Variants in OR2G6 observed in about 807,000 individuals in gnomAD.
OR2G6 encodes the protein olfactory receptor family 2 subfamily G member 6, also known as olfactory receptor 2G6.
For synonymous variants in OR2G6, 183 were observed against 155.2 expected (o/e 1.18, Z -1.33); for missense variants, 457 against 391.3 (o/e 1.17, Z -1.42).
rs1659142200 is a variant in OR2G6 at position 248,527,030 on chromosome 1, C to A, written c.*4433C>A. ...ATTTGTCAATTTTGGCTTTTGTTGC[C>A]ATTGCTTTTGGTGTTTTAGACATGA... On this transcript the variant is annotated 3_prime_UTR_variant, in exon 2 of 2. Coordinates refer to ENST00000641804, the MANE Select transcript of OR2G6 (RefSeq NM_001013355.2). 6.6e-6 allele frequency: 1 copy of A among 152,068 alleles called. No individual in the cohort carries two copies. Among genetic ancestry groups the A allele is most frequent in the Non-Finnish European group, 1.5e-5 (1 of 68,026 alleles). The allele number at this position is 152,068 out of a possible 1,614,324, so 9.4% of individuals were successfully genotyped here. A position where few individuals can be genotyped will look rare whatever the true frequency, so the allele number is the denominator to read the frequency against.
chr1:248,522,862 C>T lies in OR2G6; in HGVS notation c.*265C>T. On this transcript the variant is annotated 3_prime_UTR_variant, in exon 2 of 2. Coordinates refer to ENST00000641804, the MANE Select transcript of OR2G6 (RefSeq NM_001013355.2). ...CAGCATGAGGGTTCATCCTCCCAGA[C>T]ATTCCTCTTGTCAATCCAAGACCCT... The T allele has an allele frequency of 4.8e-6, 2 of 419,344 alleles. No individual in the cohort carries two copies. The highest frequency in any genetic ancestry group is 8.4e-6 in the Non-Finnish European group (2 of 236,758). The allele number at this position is 419,344 out of a possible 1,614,324, so 26.0% of individuals were successfully genotyped here.
rs1046760175 is a variant in OR2G6, at chr1:248,522,780, C to T, written c.*183C>T. 2.1e-5 allele frequency: 12 copies of T among 564,430 alleles called. No homozygotes were observed. Among genetic ancestry groups the T allele is most frequent in the African/African-American group, 2.1e-4 (11 of 52,248 alleles). The allele number at this position is 564,430 out of a possible 1,614,324, so 35.0% of individuals were successfully genotyped here. A position where few individuals can be genotyped will look rare whatever the true frequency, so the allele number is the denominator to read the frequency against. ...TCCCCAGACATTCCTCTTGTCAATC[C>T]CAAAGCCACAGGGACTAGGAAGCAT... On this transcript the variant is annotated 3_prime_UTR_variant, in exon 2 of 2. Coordinates refer to ENST00000641804, the MANE Select transcript of OR2G6 (RefSeq NM_001013355.2).
rs984307781 is a variant in OR2G6 at position 248,525,270 on chromosome 1, A to G, written c.*2673A>G. On this transcript the variant is annotated 3_prime_UTR_variant, in exon 2 of 2. Coordinates refer to ENST00000641804, the MANE Select transcript of OR2G6 (RefSeq NM_001013355.2). Reference sequence around the variant, plus strand: ...ATCTAAAACAGGTACACATCAGTCAATTTGCACACATTACTAGCTTGATCT... The same window carrying G: ...ATCTAAAACAGGTACACATCAGTCAGTTTGCACACATTACTAGCTTGATCT... 2 of 152,122 alleles carry G rather than the reference A, an allele frequency of 1.3e-5. No homozygotes were observed. Among genetic ancestry groups the G allele is most frequent in the Non-Finnish European group, 2.9e-5 (2 of 68,014 alleles). 9.4% of individuals were successfully genotyped at this position (152,122 alleles called of 1,614,324 possible).
At chr1:248,521,040 TAAAAA>T (rs56891856) in intron 1 of OR2G6, among the ~76,000 whole-genome samples, 20,507 of 83,934 alleles carry the variant, frequency 0.24, 1,894 homozygotes, top group Middle Eastern at 0.3. Flanking sequence ...AGATTCCATC[TAAAAA>T]AAAAAAAAAA....
chr1:248,521,626 A>C lies in OR2G6; in HGVS notation c.-21A>C, dbSNP rs1487304406. 1 of 1,529,942 alleles carries C rather than the reference A, an allele frequency of 6.5e-7. No homozygotes were observed. The highest frequency in any genetic ancestry group is 2.2e-5 in the East Asian group (1 of 44,538). 94.8% of individuals were successfully genotyped at this position (1,529,942 alleles called of 1,614,324 possible). On this transcript the variant is annotated 5_prime_UTR_variant, in exon 2 of 2. Coordinates refer to ENST00000641804, the MANE Select transcript of OR2G6 (RefSeq NM_001013355.2). ...AATCACTTAGTATTTGAAGCTGAAG[A>C]GTCCTGAAGCTGCAGGAAAAATGGA...
At position 248,522,245 on chromosome 1, in the gene OR2G6, T is replaced by C. The variant is rs373307330; in HGVS notation, c.599T>C (p.Phe200Ser). The C allele has an allele frequency of 4.3e-6, 7 of 1,614,146 alleles. No homozygotes were observed. The African/African-American group carries it at 5.3e-5, about 12-fold the overall frequency. Residue 200 changes from phenylalanine to serine, a missense_variant, in exon 2 of 2, where the codon TTT becomes TCT. Physicochemically the swap from Phe to Ser is radical, Grantham distance 155. Transcript: ENST00000641804. The part of the protein sequence containing the change: ...VDTTFNEAEL[F>S]VASVVFLIVP... ...ACGACTTTCAACGAGGCAGAACTCT[T>C]TGTGGCCAGTGTAGTCTTTCTAATT...
At chr1:248,520,646 G>C (rs980766275) in intron 1 of OR2G6, among the ~76,000 whole-genome samples, 11 of 151,938 alleles carry the variant, frequency 7.2e-5, no homozygotes, top group Admixed American at 3.9e-4. Flanking sequence ...GCTGAGTCAG[G>C]TGGATCACTT....
In OR2G6 at chr1:248,524,371, C is replaced by T. The variant is rs1664353467; in HGVS notation, c.*1774C>T. 1 of 152,182 alleles carries T rather than the reference C, an allele frequency of 6.6e-6. No individual in the cohort carries two copies. The highest frequency in any genetic ancestry group is 2.1e-4 in the South Asian group (1 of 4,820). The allele number at this position is 152,182 out of a possible 1,614,324, so 9.4% of individuals were successfully genotyped here. A position where few individuals can be genotyped will look rare whatever the true frequency, so the allele number is the denominator to read the frequency against. ...TTCTAGGATATTCTTATGTGATTTT[C>T]CTCCTCCAGTAATGGAGAGGAGAGT... On this transcript the variant is annotated 3_prime_UTR_variant, in exon 2 of 2. Transcript: ENST00000641804.
chr1:248,524,911 C>A lies in OR2G6; in HGVS notation c.*2314C>A, dbSNP rs1664363003. The stretch of plus-strand genomic sequence containing the variant: ...AATAGATATAACATAGGCAAAGCAA[C>A]CTAAAAAAACTACTTAACTGCAGAT... On this transcript the variant is annotated 3_prime_UTR_variant, in exon 2 of 2. Coordinates refer to ENST00000641804, the MANE Select transcript of OR2G6 (RefSeq NM_001013355.2). 6.6e-6 allele frequency: 1 copy of A among 151,796 alleles called. No individual in the cohort carries two copies. Among genetic ancestry groups the A allele is most frequent in the African/African-American group, 2.4e-5 (1 of 41,260 alleles). The allele number at this position is 151,796 out of a possible 1,614,324, so 9.4% of individuals were successfully genotyped here.
chr1:248,521,848 T>G lies in OR2G6; in HGVS notation c.202T>G (p.Cys68Gly). The G allele has an allele frequency of 6.2e-7, 1 of 1,614,176 alleles. No individual in the cohort carries two copies. Among genetic ancestry groups the G allele is most frequent in the Non-Finnish European group, 8.5e-7 (1 of 1,180,032 alleles). Residue 68 changes from cysteine (C) to glycine (G), a missense_variant, in exon 2 of 2, where the codon TGT becomes GGT. Physicochemically the swap from Cys to Gly is radical, Grantham distance 159. Coordinates refer to ENST00000641804, the MANE Select transcript of OR2G6 (RefSeq NM_001013355.2). ...PMYFFLSNLS[C>G]VDICFTTSVA... ...GTACTTCTTCCTCAGCAACCTCTCG[T>G]GTGTGGACATCTGCTTTACCACCAG...
In OR2G6 at chr1:248,524,316, C is replaced by T. The variant is rs1339817966; in HGVS notation, c.*1719C>T. On this transcript the variant is annotated 3_prime_UTR_variant, in exon 2 of 2. Coordinates refer to ENST00000641804, the MANE Select transcript of OR2G6 (RefSeq NM_001013355.2). ...TGATGAATATCCAATTTAACAAAAA[C>T]GAGGGAAAAGAAGCCTGGTTAAATT... 2.6e-5 allele frequency: 4 copies of T among 152,102 alleles called. No individual in the cohort carries two copies. The highest frequency in any genetic ancestry group is 7.2e-5 in the African/African-American group (3 of 41,416). 9.4% of individuals were successfully genotyped at this position (152,102 alleles called of 1,614,324 possible).
In OR2G6 at chr1:248,523,102, ACTT is replaced by A; in HGVS notation, c.*506_*508del. ...CTGTTTCATAATATGTTTCCATAGCACTTGATCCACACTACCATTTCTACATTT... is the reference window on the plus strand; with the variant it reads ...CTGTTTCATAATATGTTTCCATAGCAGATCCACACTACCATTTCTACATTT... On this transcript the variant is annotated 3_prime_UTR_variant, in exon 2 of 2. Coordinates refer to ENST00000641804, the MANE Select transcript of OR2G6 (RefSeq NM_001013355.2). The A allele has an allele frequency of 8.4e-5, 13 of 155,320 alleles. No homozygotes were observed. The highest frequency in any genetic ancestry group is 2.0e-4 in the South Asian group (1 of 5,000). 9.6% of individuals were successfully genotyped at this position (155,320 alleles called of 1,614,324 possible).
At chr1:248,521,276 G>A (rs1282857385) in intron 1 of OR2G6, among the ~76,000 whole-genome samples, 1 of 151,946 alleles carries the variant, frequency 6.6e-6, no homozygotes, top group African/African-American at 2.4e-5. Context: ...AAAGGACATT[G>A]GGTCAGTTGC....
In OR2G6 at chr1:248,521,620, C is replaced by A; in HGVS notation, c.-27C>A. 6.6e-7 allele frequency: 1 copy of A among 1,506,938 alleles called. No individual in the cohort carries two copies. Among genetic ancestry groups the A allele is most frequent in the Non-Finnish European group, 9.2e-7 (1 of 1,092,592 alleles). The allele number at this position is 1,506,938 out of a possible 1,614,324, so 93.3% of individuals were successfully genotyped here. A position where few individuals can be genotyped will look rare whatever the true frequency, so the allele number is the denominator to read the frequency against. On this transcript the variant is annotated 5_prime_UTR_variant, in exon 2 of 2. In the 5' UTR this introduces an upstream ATG that the reference lacks. Transcript: ENST00000641804. Reference sequence around the variant, plus strand: ...AATATTAATCACTTAGTATTTGAAGCTGAAGAGTCCTGAAGCTGCAGGAAA... The same window carrying A: ...AATATTAATCACTTAGTATTTGAAGATGAAGAGTCCTGAAGCTGCAGGAAA...
At position 248,525,668 on chromosome 1, in the gene OR2G6, T is replaced by G. The variant is rs955657102; in HGVS notation, c.*3071T>G. 6.6e-6 allele frequency: 1 copy of G among 152,102 alleles called. No homozygotes were observed. The highest frequency in any genetic ancestry group is 1.5e-5 in the Non-Finnish European group (1 of 68,010). 9.4% of individuals were successfully genotyped at this position (152,102 alleles called of 1,614,324 possible). Reference sequence around the variant, plus strand: ...ACTGTGAAGAAACTGCATTACCTAATGTGCAAAATAACCAGCTAGCATCAC... The same window carrying G: ...ACTGTGAAGAAACTGCATTACCTAAGGTGCAAAATAACCAGCTAGCATCAC... On this transcript the variant is annotated 3_prime_UTR_variant, in exon 2 of 2. Coordinates refer to ENST00000641804, the MANE Select transcript of OR2G6 (RefSeq NM_001013355.2).
Position 248,522,607 on chromosome 1 carries a change from G to A in OR2G6, c.*10G>A. The A allele has an allele frequency of 6.4e-7, 1 of 1,571,392 alleles. No homozygotes were observed. The highest frequency in any genetic ancestry group is 8.6e-7 in the Non-Finnish European group (1 of 1,156,522). Reference sequence around the variant, plus strand: ...AAGCCACAAGGACTAGGAAACACCTGGAATTCTAAACAAGGGAAACACCTC... The same window carrying A: ...AAGCCACAAGGACTAGGAAACACCTAGAATTCTAAACAAGGGAAACACCTC... On this transcript the variant is annotated 3_prime_UTR_variant, in exon 2 of 2. Transcript: ENST00000641804.
At position 248,522,317 on chromosome 1, in the gene OR2G6, C is replaced by G. The variant is rs999141425; in HGVS notation, c.671C>G (p.Ala224Gly). ...GTCTCCTATGGCTTTATCACTCAAG[C>G]TGTGTTAAGGATAAAATCAGCTGCG... ...ILVSYGFITQ[A>G]VLRIKSAAGR... The change falls in exon 2 of 2, where the codon GCT becomes GGT. Residue 224 changes from alanine to glycine, a missense_variant. By Grantham distance (60) the Ala-to-Gly change is moderately conservative. Coordinates refer to ENST00000641804, the MANE Select transcript of OR2G6 (RefSeq NM_001013355.2). 9 of 1,614,082 alleles carry G rather than the reference C, an allele frequency of 5.6e-6. No individual in the cohort carries two copies. Among genetic ancestry groups the G allele is most frequent in the African/African-American group, 1.3e-5 (1 of 74,922 alleles).
rs1659149409 is a variant in OR2G6, at chr1:248,527,211, G to A, written c.*4614G>A. ...ATCCAGTTTCAGCTTTCTACATATGGCTAGTCAGTTTTCCCAGCACCATTT... is the reference window on the plus strand; with the variant it reads ...ATCCAGTTTCAGCTTTCTACATATGACTAGTCAGTTTTCCCAGCACCATTT... On this transcript the variant is annotated 3_prime_UTR_variant, in exon 2 of 2. Transcript: ENST00000641804. The A allele has an allele frequency of 6.6e-6, 1 of 152,078 alleles. No homozygotes were observed. The highest frequency in any genetic ancestry group is 6.5e-5 in the Admixed American group (1 of 15,272). The allele number at this position is 152,078 out of a possible 1,614,324, so 9.4% of individuals were successfully genotyped here. A position where few individuals can be genotyped will look rare whatever the true frequency, so the allele number is the denominator to read the frequency against.
chr1:248,520,073 A>C (rs1383970751), intron 1 of OR2G6, among the ~76,000 whole-genome samples: 1 of 152,274 alleles, frequency 6.6e-6, no homozygotes, highest in Non-Finnish European at 1.5e-5. Flanking sequence ...GCACATATAC[A>C]CCATGGAATA....
Sources: gnomAD v4.1 joint callset for allele counts (sites outside exome capture counted in the v4.1 genomes callset) on GRCh38, gnomAD v4.1.1 for gene constraint, MANE v1.5 for transcripts, NCBI Gene and HGNC (gene_info 2026-07-23, HGNC 2026-07-21) for gene names.